Variants in TANC1 observed in about 807,000 individuals in gnomAD.
TANC1 encodes the protein protein TANC1.
In TANC1, 77 loss-of-function variants were observed where a neutral mutation model predicts 149.7. That is an observed-to-expected ratio of 0.51 (90% CI 0.43 to 0.62). TANC1 has a LOEUF of 0.62. TANC1 is among the 20% of genes least tolerant of loss of function. The probability of loss-of-function intolerance (pLI) is 0.00; values close to 1 mark genes in which losing one functional copy is unlikely to be tolerated. For missense variants in TANC1, 1,985 were observed against 2,321.8 expected, an observed-to-expected ratio of 0.85 and a Z score of 2.98; for synonymous variants, 854 against 925.0, an observed-to-expected ratio of 0.92 and a Z score of 1.39.
In TANC1 at chr2:159,009,580, C is replaced by T. The variant is rs145678233; in HGVS notation, c.-16+8391C>T. ...GAAGTAGAGAGTAGAATAGTGGTTA[C>T]TAGAGGCTGGGAAGTTTTGGAGGAG... On this transcript the variant is annotated intron_variant, in intron 2 of 26. Coordinates refer to ENST00000263635, the MANE Select transcript of TANC1 (RefSeq NM_033394.3). Among the ~76,000 whole-genome samples the T allele has an allele frequency of 4.9e-4, 75 of 152,200 alleles. No individual in the cohort carries two copies. The East Asian group carries it at 0.012, about 25-fold the overall frequency.
At chr2:159,118,322 G>C (rs978606619) in intron 4 of TANC1, among the ~76,000 whole-genome samples, 6 of 152,192 alleles carry the variant, frequency 3.9e-5, no homozygotes, top group African/African-American at 1.4e-4. Context: ...CCCACACTTA[G>C]GGGTATGGTG....
At chr2:159,176,200 A>G (rs561167264) in intron 12 of TANC1, 152 bp from the exon 13 acceptor site, 1 of 490,110 alleles carries the variant, frequency 2.0e-6, no homozygotes, top group African/African-American at 2.0e-5. Context: ...TATAAATTTA[A>G]TAGAAAATAT....
intron 2 of TANC1, among the ~76,000 whole-genome samples, chr2:159,015,925 C>T (rs1438195507): frequency 6.6e-6 from 1 of 152,184 alleles, no homozygotes; most frequent in Admixed American, 6.5e-5. Context: ...GAGTTCCAAA[C>T]TTTCCCACAT....
chr2:159,156,145 C>T (rs1341256023), intron 7 of TANC1, among the ~76,000 whole-genome samples: 2 of 152,142 alleles, frequency 1.3e-5, no homozygotes, highest in Non-Finnish European at 2.9e-5. Flanking sequence ...CCACCTGTAT[C>T]GCCCTGCTCA....
chr2:159,111,544 G>A (rs1232628370), intron 4 of TANC1, among the ~76,000 whole-genome samples: 1 of 152,180 alleles, frequency 6.6e-6, no homozygotes, highest in Non-Finnish European at 1.5e-5. Flanking sequence ...TTATTTGGAC[G>A]AGCACCAGAT....
At chr2:158,995,455 T>A (rs986807345) in intron 1 of TANC1, among the ~76,000 whole-genome samples, 2 of 152,172 alleles carry the variant, frequency 1.3e-5, no homozygotes, top group Non-Finnish European at 2.9e-5. Context: ...CCACTTGAGG[T>A]TATCTGGTGC....
At chr2:159,080,854 C>G (rs1043179948) in intron 3 of TANC1, among the ~76,000 whole-genome samples, 2 of 152,186 alleles carry the variant, frequency 1.3e-5, no homozygotes, top group African/African-American at 4.8e-5. Context: ...GTGCCCTATC[C>G]CTCAGCCAGC....
chr2:159,044,711 G>A (rs551022045), intron 2 of TANC1, among the ~76,000 whole-genome samples: 20 of 152,194 alleles, frequency 1.3e-4, no homozygotes, highest in African/African-American at 4.8e-4. Context: ...TGGCTGACTG[G>A]GGGCATTGGA....
intron 7 of TANC1, among the ~76,000 whole-genome samples, chr2:159,157,988 A>G (rs1285531545): frequency 6.6e-6 from 1 of 152,208 alleles, no homozygotes; most frequent in Non-Finnish European, 1.5e-5. Context: ...TTATAATAGT[A>G]TATGTACATA....
intron 3 of TANC1, among the ~76,000 whole-genome samples, chr2:159,081,195 A>T (rs1453712117): frequency 6.6e-6 from 1 of 152,216 alleles, no homozygotes; most frequent in Admixed American, 6.5e-5. Context: ...AAGACAAGGA[A>T]GAAAATTGGC....
chr2:159,093,916 A>G (rs1337525392), intron 3 of TANC1, among the ~76,000 whole-genome samples: 5 of 152,246 alleles, frequency 3.3e-5, no homozygotes, highest in African/African-American at 1.2e-4. Context: ...AACAAAGTTT[A>G]TGGGCAGAAT....
intron 1 of TANC1, among the ~76,000 whole-genome samples, chr2:158,996,175 AC>A (rs975635482): frequency 6.6e-6 from 1 of 152,026 alleles, no homozygotes; most frequent in Non-Finnish European, 1.5e-5. Flanking sequence ...ACATAGTAAG[AC>A]CCCCCAAGTC....
chr2:159,176,501 G>A lies in TANC1; in HGVS notation c.1885G>A (p.Val629Ile), dbSNP rs368324755. The A allele has an allele frequency of 5.7e-6, 9 of 1,589,474 alleles. No homozygotes were observed. The African/African-American group carries it at 1.1e-4, about 19-fold the overall frequency. Residue 629 changes from valine to isoleucine, a missense_variant, in exon 13 of 27, where the codon GTA (valine) becomes ATA (isoleucine). This residue lies in a region of TANC1 where 508 missense variants were observed against 714.2 expected (regional missense o/e 0.71). Transcript: ENST00000263635. ...FPAWLKLIVT[V>I]RANFQEIISA... ...TGCCTGGTTGAAGTTGATTGTGACT[G>A]TAAGAGCAAATTTTCAGGTAACAAA... is the stretch of plus-strand genomic sequence containing the variant.
At chr2:159,110,187 G>A (rs150664978) in intron 4 of TANC1, among the ~76,000 whole-genome samples, 182 of 152,350 alleles carry the variant, frequency 1.2e-3, no homozygotes, top group African/African-American at 4.3e-3. Context: ...TTGAGACTAT[G>A]GAGAAAATTC....
intron 1 of TANC1, among the ~76,000 whole-genome samples, chr2:158,991,793 A>C (rs1468437916): frequency 6.6e-6 from 1 of 152,098 alleles, no homozygotes. Flanking sequence ...GACTAACACT[A>C]TACATTTTCA....
At chr2:159,093,430 T>G (rs2045752409) in intron 3 of TANC1, among the ~76,000 whole-genome samples, 2 of 152,198 alleles carry the variant, frequency 1.3e-5, no homozygotes, top group Non-Finnish European at 2.9e-5. Flanking sequence ...CAATATTGTA[T>G]TGTTCACGTG....
Position 159,123,078 on chromosome 2 carries a change from C to G in TANC1, c.260-13116C>G, listed in dbSNP as rs1377886721. Among the ~76,000 whole-genome samples the G allele has an allele frequency of 2.0e-5, 3 of 152,108 alleles. No individual in the cohort carries two copies. The East Asian group carries it at 5.8e-4, about 29-fold the overall frequency. On this transcript the variant is annotated intron_variant, in intron 4 of 26. Transcript: ENST00000263635. ...ACAGGTATTTCTCTAGAGACAATTG[C>G]GTTCTGCATCTCTGTTCCCTGTTCT...
At chr2:159,149,843 G>A (rs2052584041) in intron 6 of TANC1, 1 of 167,742 alleles carries the variant, frequency 6.0e-6, no homozygotes, top group Non-Finnish European at 1.3e-5. Flanking sequence ...CCTGGTGAAG[G>A]TCTCTGCACT....
At chr2:159,222,158 AT>A (rs1253233914) in intron 22 of TANC1, among the ~76,000 whole-genome samples, 1 of 152,188 alleles carries the variant, frequency 6.6e-6, no homozygotes, top group Non-Finnish European at 1.5e-5. Flanking sequence ...GTCTACACTT[AT>A]TTTTCAGCTA....
Sources: allele counts gnomAD v4.1 joint callset (sites outside exome capture counted in the v4.1 genomes callset), GRCh38; gene constraint gnomAD v4.1.1; regional missense constraint gnomAD v4.1.1; transcripts MANE v1.5; gene names NCBI Gene and HGNC (gene_info 2026-07-23, HGNC 2026-07-21).